DOCK2: variants seen among roughly 807,000 people sequenced by gnomAD.
The protein encoded by DOCK2 is dedicator of cytokinesis protein 2.
DOCK2 carries 87 observed loss-of-function variants against 248.9 expected under a neutral mutation model. That is an observed-to-expected ratio of 0.35 (90% confidence interval 0.29 to 0.42). The LOEUF is 0.42. Ranked by LOEUF, DOCK2 falls within the 10% of genes least tolerant of loss-of-function variation. The probability of loss-of-function intolerance (pLI) is 1.00; values close to 1 mark genes in which losing one functional copy is unlikely to be tolerated. For synonymous variants in DOCK2, 805 were observed against 821.6 expected (o/e 0.98, Z 0.35); for missense variants, 1,747 against 2,300.2 (o/e 0.76, Z 4.92).
chr5:169,718,569 A>G, intron 21 of DOCK2, 88 bp from the exon 22 acceptor site: 1 of 1,475,716 alleles, frequency 6.8e-7, no homozygotes, highest in Non-Finnish European at 9.2e-7. Context: ...ACCACCTTTA[A>G]CCTTTGATTG....
At chr5:170,044,287 G>A (rs12653315) in intron 38 of DOCK2, among the ~76,000 whole-genome samples, 21,883 of 152,042 alleles carry the variant, frequency 0.14, 2,286 homozygotes, top group East Asian at 0.48. Flanking sequence ...TCTGTGTCTC[G>A]TCCATCTTTA....
At chr5:170,056,630 G>T in intron 42 of DOCK2, 54 bp from the exon 43 acceptor site, 13 of 1,488,152 alleles carry the variant, frequency 8.7e-6, no homozygotes, top group Non-Finnish European at 1.2e-5. Context: ...GTCAGATCGG[G>T]TGTCAGCAGC....
chr5:169,939,722 T>A (rs1776156064), intron 27 of DOCK2, among the ~76,000 whole-genome samples: 2 of 152,194 alleles, frequency 1.3e-5, no homozygotes, highest in Non-Finnish European at 2.9e-5. Context: ...TATATATATG[T>A]TTTCATATAA....
At chr5:169,945,472 C>G (rs937402286) in intron 27 of DOCK2, among the ~76,000 whole-genome samples, 1 of 152,352 alleles carries the variant, frequency 6.6e-6, no homozygotes, top group African/African-American at 2.4e-5. Context: ...TTACTTCGTG[C>G]CTGGCACAGT....
chr5:169,850,100 G>A (rs1241243348), intron 27 of DOCK2, among the ~76,000 whole-genome samples: 1 of 152,184 alleles, frequency 6.6e-6, no homozygotes, highest in African/African-American at 2.4e-5. Flanking sequence ...TGGGGGTGGG[G>A]AGCGGAAGCA....
rs1757935194 is a variant in DOCK2 at position 170,079,045 on chromosome 5, A to G, written c.5065A>G (p.Thr1689Ala). 1 of 1,613,974 alleles carries G rather than the reference A, an allele frequency of 6.2e-7. No individual in the cohort carries two copies. Among genetic ancestry groups the G allele is most frequent in the Admixed American group, 1.7e-5 (1 of 59,996 alleles). ...EQEEPISPGS[T>A]LPEVKLRRSK... ...GGAGGAACCGATCTCCCCGGGGAGC[A>G]CCCTGCCTGAGGTCAAGCTGCGGAG... Residue 1689 changes from threonine (T) to alanine (A), a missense_variant, in exon 49 of 52, where the codon ACC becomes GCC. Transcript: ENST00000520908.
intron 5 of DOCK2, among the ~76,000 whole-genome samples, chr5:169,672,194 G>T (rs1759086036): frequency 6.6e-6 from 1 of 151,896 alleles, no homozygotes; most frequent in Non-Finnish European, 1.5e-5. Flanking sequence ...TTTTAGTAGA[G>T]ATGGGGTTTC....
At chr5:169,805,853 C>T (rs1233165250) in intron 26 of DOCK2, among the ~76,000 whole-genome samples, 1 of 152,230 alleles carries the variant, frequency 6.6e-6, no homozygotes, top group African/African-American at 2.4e-5. Flanking sequence ...GTGCGTGTCA[C>T]TCTTTACCGC....
intron 22 of DOCK2, among the ~76,000 whole-genome samples, chr5:169,738,332 A>G (rs262844): frequency 0.32 from 48,843 of 152,170 alleles, 11,659 homozygotes; most frequent in African/African-American, 0.66. Flanking sequence ...GAGGGAAGGG[A>G]CACTGGTTCA....
chr5:169,820,967 C>A (rs112959989), intron 26 of DOCK2, among the ~76,000 whole-genome samples: 4 of 152,060 alleles, frequency 2.6e-5, no homozygotes, highest in Admixed American at 2.0e-4. Flanking sequence ...AACTACGTGA[C>A]GAATGCACAA....
intron 26 of DOCK2, among the ~76,000 whole-genome samples, chr5:169,832,679 G>A (rs1289900185): frequency 6.6e-6 from 1 of 152,210 alleles, no homozygotes; most frequent in Non-Finnish European, 1.5e-5. Flanking sequence ...TACTGTAGAT[G>A]ATATCTGTTA....
In DOCK2 at chr5:170,008,229, A is replaced by ACAAC. The variant is rs752091415; in HGVS notation, c.3073-268_3073-267insCAAC. Among the ~76,000 whole-genome samples the ACAAC allele has an allele frequency of 9.1e-3, 1,274 of 139,536 alleles. 7 individuals carry two copies. Among genetic ancestry groups the ACAAC allele is most frequent in the Non-Finnish European group, 0.012 (795 of 67,328 alleles). The allele number at this position is 139,536 out of a possible 152,430, so 91.5% of individuals were successfully genotyped here. On this transcript the variant is annotated intron_variant, in intron 30 of 51. Transcript: ENST00000520908. ...CAACAACAACAACAACAACAACAAA[A>ACAAC]AAAAAAAAACCTAAAATTCTCCTCC...
intron 23 of DOCK2, 133 bp from the exon 24 acceptor site, chr5:169,759,572 T>C: frequency 2.1e-6 from 2 of 945,602 alleles, no homozygotes; most frequent in South Asian, 3.3e-5. Flanking sequence ...ATACAGAGGC[T>C]TCCATCAATA....
At chr5:169,919,693 G>A (rs1775066757) in intron 27 of DOCK2, among the ~76,000 whole-genome samples, 1 of 152,170 alleles carries the variant, frequency 6.6e-6, no homozygotes, top group African/African-American at 2.4e-5. Flanking sequence ...CCTTTGGTAA[G>A]CAGTGCACTC....
intron 24 of DOCK2, among the ~76,000 whole-genome samples, chr5:169,760,122 A>G (rs1172427942): frequency 6.6e-6 from 1 of 152,154 alleles, no homozygotes; most frequent in Non-Finnish European, 1.5e-5. Context: ...ACAGTTGCAA[A>G]TGGAGAACAG....
intron 22 of DOCK2, among the ~76,000 whole-genome samples, chr5:169,736,190 T>C (rs574552022): frequency 6.6e-6 from 1 of 152,326 alleles, no homozygotes; most frequent in South Asian, 2.1e-4. Context: ...ACAGCCCTTC[T>C]CCTAGAATTG....
chr5:169,814,396 T>C (rs2113201867), intron 26 of DOCK2, among the ~76,000 whole-genome samples: 1 of 152,326 alleles, frequency 6.6e-6, no homozygotes, highest in Non-Finnish European at 1.5e-5. Flanking sequence ...GTTAAGGTCA[T>C]GAAAGACTGT....
intron 36 of DOCK2, among the ~76,000 whole-genome samples, chr5:170,038,832 G>C (rs889305719): frequency 6.6e-6 from 1 of 152,156 alleles, no homozygotes; most frequent in Admixed American, 6.5e-5. Context: ...TAGCAGGGAA[G>C]CTCTCCCCTG....
At chr5:169,929,599 T>G (rs1205590159) in intron 27 of DOCK2, among the ~76,000 whole-genome samples, 6 of 151,862 alleles carry the variant, frequency 4.0e-5, no homozygotes, top group Admixed American at 2.6e-4. Flanking sequence ...CAAAATTAGC[T>G]GAGTGTGGTG....
Sources: gnomAD v4.1 joint callset for allele counts (sites outside exome capture counted in the v4.1 genomes callset) on GRCh38, gnomAD v4.1.1 for gene constraint, MANE v1.5 for transcripts, NCBI Gene and HGNC (gene_info 2026-07-23, HGNC 2026-07-21) for gene names.